MYL3: variants seen among roughly 807,000 people sequenced by gnomAD.
MYL3 encodes the protein CMLC1.
A neutral mutation model predicts 21.3 loss-of-function variants in MYL3; 11 were observed. That is an observed-to-expected ratio of 0.52 (90% confidence interval 0.32 to 0.85). The LOEUF (loss-of-function observed/expected upper bound fraction) is 0.85. Ranked by LOEUF, MYL3 falls within the 40% of genes least tolerant of loss-of-function variation. The probability of loss-of-function intolerance (pLI) is 0.03; values close to 1 mark genes in which losing one functional copy is unlikely to be tolerated. For missense variants in MYL3, 206 were observed against 253.3 expected, an observed-to-expected ratio of 0.81 and a Z score of 1.27; for synonymous variants, 88 against 91.6, an observed-to-expected ratio of 0.96 and a Z score of 0.22.
At chr3:46,881,166 G>T (rs1007141681) in intron 1 of MYL3, 2 of 152,274 alleles carry the variant, frequency 1.3e-5, no homozygotes, top group African/African-American at 4.8e-5. Flanking sequence ...TCATTTCCCA[G>T]GGCCTCATGC....
upstream of MYL3, among the ~76,000 whole-genome samples, chr3:46,865,542 C>A (rs1303268292): frequency 6.6e-6 from 1 of 152,214 alleles, no homozygotes; most frequent in Non-Finnish European, 1.5e-5. This position sits in a 1 kb window ranked among gnomAD's most constrained non-coding sequence, Gnocchi z 4.3. Flanking sequence ...ATGAGGGAAG[C>A]AGAGGGCCAG....
intron 1 of MYL3, among the ~76,000 whole-genome samples, chr3:46,872,056 G>A (rs1236393241): frequency 2.6e-5 from 4 of 152,164 alleles, no homozygotes; most frequent in Non-Finnish European, 5.9e-5. Context: ...CTGCACAGTG[G>A]GGCGAGAGTT....
intron 1 of MYL3, among the ~76,000 whole-genome samples, chr3:46,881,371 C>T (rs2030548747): frequency 6.6e-6 from 1 of 152,226 alleles, no homozygotes; most frequent in African/African-American, 2.4e-5. Flanking sequence ...CCGCGGACTC[C>T]TCCTTGCCTT....
chr3:46,877,353 T>A (rs1027857386), intron 1 of MYL3, among the ~76,000 whole-genome samples: 4 of 152,074 alleles, frequency 2.6e-5, no homozygotes, highest in African/African-American at 9.7e-5. Context: ...GTGAAGTCAC[T>A]AGTAGGGGCT....
At chr3:46,865,141 C>T (rs1328924281), upstream of MYL3, among the ~76,000 whole-genome samples, 1 of 152,172 alleles carries the variant, frequency 6.6e-6, no homozygotes, top group Non-Finnish European at 1.5e-5. This position sits in a 1 kb window ranked among gnomAD's most constrained non-coding sequence, Gnocchi z 4.3. Context: ...TCCCTCTCAT[C>T]CTGTCACTCC....
upstream of MYL3, among the ~76,000 whole-genome samples, chr3:46,867,209 C>T (rs1476291953): frequency 1.3e-5 from 2 of 151,880 alleles, no homozygotes; most frequent in African/African-American, 4.8e-5. Context: ...GGACCCCAGA[C>T]CCCAGACACA....
intron 4 of MYL3, 26 bp from the exon 5 acceptor site, chr3:46,858,487 G>A (rs1448697573): frequency 8.1e-6 from 13 of 1,608,626 alleles, no homozygotes; most frequent in Non-Finnish European, 1.1e-5. Flanking sequence ...GGCTGAGTCA[G>A]CACCGTGCGT....
chr3:46,870,570 C>A (rs1702099608), intron 1 of MYL3, among the ~76,000 whole-genome samples: 1 of 152,150 alleles, frequency 6.6e-6, no homozygotes, highest in Non-Finnish European at 1.5e-5. Flanking sequence ...CTCTGTGGCC[C>A]AGGGTGTGGA....
At chr3:46,875,688 A>C (rs761070618) in intron 1 of MYL3, among the ~76,000 whole-genome samples, 2 of 152,162 alleles carry the variant, frequency 1.3e-5, no homozygotes, top group Non-Finnish European at 2.9e-5. Context: ...AACTCAGGCG[A>C]GTCTCAGGCT....
rs1424228542 is a variant in MYL3, at chr3:46,879,567, A to G, written c.-218+2507T>C. Reference sequence around the variant, plus strand: ...AGACCAGTCTAGGCAACAAAGTGAGACCTCGTCTCTACAAAAAAAAAATTT... The same window carrying G: ...AGACCAGTCTAGGCAACAAAGTGAGGCCTCGTCTCTACAAAAAAAAAATTT... On this transcript the variant is annotated intron_variant, in intron 1 of 3. Coordinates refer to the MYL3 transcript ENST00000431168. This position sits in a 1 kb window ranked among gnomAD's most constrained non-coding sequence, Gnocchi z 4.7. Among the ~76,000 whole-genome samples, 1 of 151,688 alleles carries G rather than the reference A, an allele frequency of 6.6e-6. No individual in the cohort carries two copies. Among genetic ancestry groups the G allele is most frequent in the Non-Finnish European group, 1.5e-5 (1 of 67,954 alleles).
chr3:46,871,716 C>T (rs1468232835), intron 1 of MYL3, among the ~76,000 whole-genome samples: 2 of 152,196 alleles, frequency 1.3e-5, no homozygotes, highest in Admixed American at 6.5e-5. Flanking sequence ...CTAGAGCCTA[C>T]GGGTAAGGGT....
chr3:46,869,903 G>A (rs2106921942), intron 1 of MYL3, among the ~76,000 whole-genome samples: 1 of 152,330 alleles, frequency 6.6e-6, no homozygotes, highest in African/African-American at 2.4e-5. Flanking sequence ...ACTGTCTCAG[G>A]CAAACAGTTC....
At chr3:46,878,262 T>C (rs2030350866) in intron 1 of MYL3, among the ~76,000 whole-genome samples, 1 of 152,196 alleles carries the variant, frequency 6.6e-6, no homozygotes, top group African/African-American at 2.4e-5. Flanking sequence ...GCAGCCGAAA[T>C]GGCTGTAAAA....
chr3:46,872,167 C>A (rs975216105), intron 1 of MYL3, among the ~76,000 whole-genome samples: 2 of 152,210 alleles, frequency 1.3e-5, no homozygotes, highest in African/African-American at 4.8e-5. Context: ...TCAGCCTGTG[C>A]CCCTGGCCAG....
intron 1 of MYL3, among the ~76,000 whole-genome samples, chr3:46,869,255 T>C (rs1244577369): frequency 1.3e-5 from 2 of 151,910 alleles, no homozygotes; most frequent in Admixed American, 1.3e-4. Flanking sequence ...AAAAAAAGAC[T>C]CCCCTTTTAG....
At chr3:46,863,969 G>A (rs761572296), upstream of MYL3, among the ~76,000 whole-genome samples, 8 of 151,906 alleles carry the variant, frequency 5.3e-5, no homozygotes, top group African/African-American at 2.4e-5. Flanking sequence ...TGTCTGTGTC[G>A]GGGTGTCTAT....
chr3:46,872,664 G>T (rs1036511297), intron 1 of MYL3, among the ~76,000 whole-genome samples: 2 of 152,258 alleles, frequency 1.3e-5, no homozygotes, highest in Non-Finnish European at 2.9e-5. Context: ...AGCAGCAGCT[G>T]CAGGGACAGC....
rs1377478656 is a variant in MYL3, at chr3:46,879,890, T to C, written c.-218+2184A>G. Among the ~76,000 whole-genome samples, 1 of 151,820 alleles carries C rather than the reference T, an allele frequency of 6.6e-6. No homozygotes were observed. The highest frequency in any genetic ancestry group is 2.4e-5 in the African/African-American group (1 of 41,266). On this transcript the variant is annotated intron_variant, in intron 1 of 3. Transcript: ENST00000431168. The surrounding 1 kb of genome is among the most constrained non-coding windows in gnomAD (Gnocchi z 4.7). ...CCCATCTCCACTACAAATGCAAAAA[T>C]TAGCCAGGCGTGGTGGTGCACAACT...
upstream of MYL3, chr3:46,866,503 G>A (rs1702048934): frequency 6.6e-6 from 1 of 152,252 alleles, no homozygotes; most frequent in Non-Finnish European, 1.5e-5. Flanking sequence ...CTGGGCTCTT[G>A]TTACCTGGCG....
Sources: allele counts gnomAD v4.1 joint callset (sites outside exome capture counted in the v4.1 genomes callset), GRCh38; gene constraint gnomAD v4.1.1; non-coding constraint Gnocchi (gnomAD v3.1); transcripts MANE v1.5; gene names NCBI Gene and HGNC (gene_info 2026-07-23, HGNC 2026-07-21).